Variants in CPNE5 observed in about 807,000 individuals in gnomAD.
The protein encoded by CPNE5 is copine 5.
Under a neutral mutation model 81.1 loss-of-function variants are expected in CPNE5, and 42 were observed. That is an observed-to-expected ratio of 0.52 (90% CI 0.40 to 0.67). The LOEUF (loss-of-function observed/expected upper bound fraction) is 0.67, where lower values mean the gene tolerates loss of function less well. CPNE5 is among the 30% of genes least tolerant of loss of function. The pLI, the probability that CPNE5 is intolerant of heterozygous loss-of-function variation, is 0.00. For synonymous variants in CPNE5, 313 were observed against 321.5 expected (o/e 0.97, Z 0.28); for missense variants, 612 against 815.5 (o/e 0.75, Z 3.04).
intron 9 of CPNE5, among the ~76,000 whole-genome samples, chr6:36,778,033 C>T (rs768590092): frequency 2.2e-4 from 33 of 152,154 alleles, no homozygotes; most frequent in Admixed American, 2.0e-4. Context: ...TCTGCAGAAT[C>T]CCAGCCTGTA....
At chr6:36,838,891 C>A (rs955869519) in intron 1 of CPNE5, 1 of 223,440 alleles carries the variant, frequency 4.5e-6, no homozygotes, top group African/African-American at 2.3e-5. Context: ...GGTGGACGAG[C>A]CTGGGAGGGA....
At chr6:36,813,877 T>TG (rs1471666638) in intron 3 of CPNE5, among the ~76,000 whole-genome samples, 1 of 152,208 alleles carries the variant, frequency 6.6e-6, no homozygotes, top group African/African-American at 2.4e-5. Flanking sequence ...CCCACTGTGA[T>TG]GGAGTGCCCA....
chr6:36,818,720 G>A (rs528983660), intron 3 of CPNE5, among the ~76,000 whole-genome samples: 72 of 152,302 alleles, frequency 4.7e-4, no homozygotes, highest in African/African-American at 1.6e-3. Context: ...AGCAAGCACA[G>A]GTGTATTCCA....
rs781229104 is a variant in CPNE5, at chr6:36,762,906, GC to G, written c.855+10del. ...GTAGTGCAAACCCTGGATTTCGGGT[GC>G]CCACCTCACCTCATAGATGTTGAAT... On this transcript the variant is annotated intron_variant, in intron 12 of 20. Transcript: ENST00000244751. 8 of 1,612,668 alleles carry G rather than the reference GC, an allele frequency of 5.0e-6. No individual in the cohort carries two copies. The highest frequency in any genetic ancestry group is 6.8e-6 in the Non-Finnish European group (8 of 1,178,680).
In CPNE5 at chr6:36,809,141, G is replaced by A. The variant is rs576792769; in HGVS notation, c.184-9071C>T. ...ACCCACAGATCAGGTCATAATGTGAGTGTCCCTGACCTAACACCCTGCCCA... is the reference window on the plus strand; with the variant it reads ...ACCCACAGATCAGGTCATAATGTGAATGTCCCTGACCTAACACCCTGCCCA... On this transcript the variant is annotated intron_variant, in intron 3 of 20. Transcript: ENST00000244751. Among the ~76,000 whole-genome samples the A allele has an allele frequency of 5.3e-5, 8 of 152,228 alleles. No homozygotes were observed. In the East Asian group the frequency reaches 1.2e-3, roughly 22 times the overall value.
chr6:36,747,259 C>CG (rs371071843), intron 15 of CPNE5, among the ~76,000 whole-genome samples: 1 of 150,600 alleles, frequency 6.6e-6, no homozygotes, highest in Non-Finnish European at 1.5e-5. Flanking sequence ...ATTTCCCCCC[C>CG]CAGAGCCCTC....
In CPNE5 at chr6:36,839,320, T is replaced by C; in HGVS notation, c.58A>G (p.Ile20Val). 6.4e-7 allele frequency: 1 copy of C among 1,551,560 alleles called. No homozygotes were observed. The highest frequency in any genetic ancestry group is 8.7e-7 in the Non-Finnish European group (1 of 1,147,160). ...GTGATCTCCACCTTGGTGGCCGGGA[T>C]GCTGCCCGCCAAGGAGTCGAACTCG... ...LSEFDSLAGS[I>V]PATKVEITVS... is the part of the protein sequence containing the mutation. Residue 20 changes from isoleucine (I) to valine (V), a missense_variant, in exon 1 of 21, where the codon ATC becomes GTC. Transcript: ENST00000244751. This position sits in a 1 kb window ranked among gnomAD's most constrained non-coding sequence, Gnocchi z 7.3.
intron 3 of CPNE5, among the ~76,000 whole-genome samples, chr6:36,803,343 G>A (rs1431280927): frequency 1.3e-5 from 2 of 151,940 alleles, no homozygotes; most frequent in African/African-American, 4.8e-5. Context: ...CCCCTCCTGT[G>A]TGCGCCCATC....
chr6:36,828,837 G>T (rs1422468364), intron 1 of CPNE5, among the ~76,000 whole-genome samples: 1 of 152,126 alleles, frequency 6.6e-6, no homozygotes, highest in African/African-American at 2.4e-5. Context: ...CTTCATCTCT[G>T]AATCCAACAC....
At chr6:36,782,359 T>G (rs974345846) in intron 8 of CPNE5, among the ~76,000 whole-genome samples, 34 of 152,178 alleles carry the variant, frequency 2.2e-4, no homozygotes, top group African/African-American at 7.9e-4. Context: ...AGCTCTTAGT[T>G]TTGCTTCCTA....
At position 36,773,051 on chromosome 6, in the gene CPNE5, T is replaced by A. The variant is rs138842752; in HGVS notation, c.737+1910A>T. Among the ~76,000 whole-genome samples, 11 of 152,288 alleles carry A rather than the reference T, an allele frequency of 7.2e-5. 1 individual carries two copies. The East Asian group carries it at 1.4e-3, about 19-fold the overall frequency. Reference sequence around the variant, plus strand: ...TTTTTTAAATTTAGTTTTAAATTTTTAAATTTTTTTTTGTAAAGATGGGGG... The same window carrying A: ...TTTTTTAAATTTAGTTTTAAATTTTAAAATTTTTTTTTGTAAAGATGGGGG... On this transcript the variant is annotated intron_variant, in intron 10 of 20. Coordinates refer to ENST00000244751, the MANE Select transcript of CPNE5 (RefSeq NM_020939.2).
intron 3 of CPNE5, among the ~76,000 whole-genome samples, chr6:36,805,284 G>C (rs1308503590): frequency 6.6e-6 from 1 of 152,208 alleles, no homozygotes; most frequent in Non-Finnish European, 1.5e-5. Context: ...GGAAGGAGCA[G>C]GGGGGTTAAC....
intron 13 of CPNE5, chr6:36,755,743 C>T (rs1233049839): frequency 1.2e-5 from 2 of 160,012 alleles, no homozygotes; most frequent in Non-Finnish European, 2.8e-5. Context: ...CACGGTTAAG[C>T]AGGGGCAGCG....
intron 9 of CPNE5, among the ~76,000 whole-genome samples, chr6:36,776,712 G>A (rs962833321): frequency 1.3e-5 from 2 of 152,020 alleles, no homozygotes; most frequent in African/African-American, 2.4e-5. Flanking sequence ...CCCTCCTCTC[G>A]CTTGAGAGCC....
rs117254010 is a variant in CPNE5, at chr6:36,791,301, A to C, written c.528+732T>G. On this transcript the variant is annotated intron_variant, in intron 8 of 20. Coordinates refer to ENST00000244751, the MANE Select transcript of CPNE5 (RefSeq NM_020939.2). ...AGGTGACTTTGCCTCTCTGAGCCTC[A>C]ATTTCCTCATCCATAGAATGGGAGT... is the stretch of plus-strand genomic sequence containing the variant. 2.0e-3 allele frequency among the ~76,000 whole-genome samples: 304 copies of C among 152,258 alleles called. 5 individuals carry two copies. The East Asian group carries it at 0.03, about 15-fold the overall frequency.
chr6:36,787,194 T>G (rs1768639827), intron 8 of CPNE5, among the ~76,000 whole-genome samples: 1 of 152,182 alleles, frequency 6.6e-6, no homozygotes, highest in Non-Finnish European at 1.5e-5. Context: ...TCCATGGCTC[T>G]TCCTTCTTCC....
At chr6:36,811,707 GA>G (rs1285376571) in intron 3 of CPNE5, among the ~76,000 whole-genome samples, 1 of 152,160 alleles carries the variant, frequency 6.6e-6, no homozygotes, top group Non-Finnish European at 1.5e-5. Context: ...GTATTACACA[GA>G]AATAATGAAC....
rs960179215 is a variant in CPNE5, at chr6:36,824,541, T to C, written c.96-1443A>G. On this transcript the variant is annotated intron_variant, in intron 1 of 20. Coordinates refer to ENST00000244751, the MANE Select transcript of CPNE5 (RefSeq NM_020939.2). ...GAGGTCCCAAAGGATCTTGTCACCT[T>C]CCTTCTCTACTCCCACAACCCCCCA... Among the ~76,000 whole-genome samples, 4 of 152,338 alleles carry C rather than the reference T, an allele frequency of 2.6e-5. No homozygotes were observed. The East Asian group carries it at 7.7e-4, about 29-fold the overall frequency.
chr6:36,744,504 G>C (rs1763906979), intron 18 of CPNE5, 179 bp from the exon 19 acceptor site: 1 of 616,686 alleles, frequency 1.6e-6, no homozygotes, highest in South Asian at 1.9e-5. Flanking sequence ...CAGAGATAAA[G>C]AGCAAAGGAA....
Sources: gnomAD v4.1 joint callset for allele counts (sites outside exome capture counted in the v4.1 genomes callset) on GRCh38, gnomAD v4.1.1 for gene constraint, Gnocchi (gnomAD v3.1) non-coding constraint, MANE v1.5 for transcripts, NCBI Gene and HGNC (gene_info 2026-07-23, HGNC 2026-07-21) for gene names.